Variants in CADM2 observed in about 807,000 individuals in gnomAD.
The protein encoded by CADM2 is immunoglobulin superfamily member 4D.
Under a neutral mutation model 49.8 loss-of-function variants are expected in CADM2, and 12 were observed. The ratio of observed to expected loss-of-function variants is 0.24; its 90% confidence interval spans 0.15 to 0.39. The LOEUF is 0.39. Among genes scored for constraint, CADM2 ranks in the 10% least tolerant of loss-of-function variants. The pLI is 1.00. For missense variants in CADM2, 378 were observed against 492.3 expected (o/e 0.77, Z 2.20); for synonymous variants, 214 against 175.4 (o/e 1.22, Z -1.74).
intron 1 of CADM2, among the ~76,000 whole-genome samples, chr3:84,995,917 G>A (rs2033157443): frequency 6.6e-6 from 1 of 152,124 alleles, no homozygotes; most frequent in Non-Finnish European, 1.5e-5. Flanking sequence ...CTTGTACTAA[G>A]TGATGAGTTT....
At chr3:85,539,453 A>G (rs1177318617) in intron 1 of CADM2, among the ~76,000 whole-genome samples, 1 of 152,070 alleles carries the variant, frequency 6.6e-6, no homozygotes, top group Non-Finnish European at 1.5e-5. Context: ...CATAATGCCT[A>G]GTGTACAGAA....
chr3:85,443,448 C>G (rs547632110), intron 1 of CADM2, among the ~76,000 whole-genome samples: 1 of 152,108 alleles, frequency 6.6e-6, no homozygotes. Flanking sequence ...CCGTTAACAG[C>G]CAAACTACTC....
chr3:86,000,329 G>C (rs917979905), intron 8 of CADM2, among the ~76,000 whole-genome samples: 1 of 152,172 alleles, frequency 6.6e-6, no homozygotes, highest in South Asian at 2.1e-4. Context: ...TGAAAAAGAG[G>C]GCTTAGTAGG....
At chr3:85,026,409 C>T (rs2034730104) in intron 1 of CADM2, among the ~76,000 whole-genome samples, 2 of 151,970 alleles carry the variant, frequency 1.3e-5, no homozygotes, top group South Asian at 4.1e-4. Flanking sequence ...CAATAACTTC[C>T]TAGTTTTTAT....
chr3:85,048,599 G>C (rs969288254), intron 1 of CADM2, among the ~76,000 whole-genome samples: 1 of 152,104 alleles, frequency 6.6e-6, no homozygotes, highest in Non-Finnish European at 1.5e-5. Flanking sequence ...CAATTTCAAC[G>C]AGGAGTGAGA....
At chr3:85,503,431 T>C (rs990477369) in intron 1 of CADM2, among the ~76,000 whole-genome samples, 2 of 152,204 alleles carry the variant, frequency 1.3e-5, no homozygotes, top group Non-Finnish European at 2.9e-5. Context: ...AGGATTTTGG[T>C]CATTACTTAG....
At chr3:85,735,604 G>A (rs927253028) in intron 2 of CADM2, among the ~76,000 whole-genome samples, 1 of 152,076 alleles carries the variant, frequency 6.6e-6, no homozygotes, top group Admixed American at 6.6e-5. Context: ...GAGTTGTTTG[G>A]ATGCTTTTCC....
intron 5 of CADM2, among the ~76,000 whole-genome samples, chr3:85,908,767 C>T (rs1405667006): frequency 2.6e-5 from 4 of 151,090 alleles, no homozygotes; most frequent in Non-Finnish European, 5.9e-5. Flanking sequence ...CTCTGTCACC[C>T]AGGCTGGAGT....
chr3:85,343,645 G>A (rs72903274), intron 1 of CADM2, among the ~76,000 whole-genome samples: 10,737 of 152,154 alleles, frequency 0.071, 722 homozygotes, highest in African/African-American at 0.17. Flanking sequence ...AAAAGAAAAC[G>A]AGGTTTGAAT....
intron 1 of CADM2, among the ~76,000 whole-genome samples, chr3:85,299,270 A>G (rs1021177329): frequency 6.6e-6 from 1 of 152,122 alleles, no homozygotes; most frequent in Non-Finnish European, 1.5e-5. Context: ...TCATAAGATT[A>G]AAAGCACCTA....
intron 3 of CADM2, among the ~76,000 whole-genome samples, chr3:85,817,714 C>A (rs892236461): frequency 6.6e-6 from 1 of 152,130 alleles, no homozygotes; most frequent in Non-Finnish European, 1.5e-5. Context: ...ATAAACCAAT[C>A]TCAGTTCCAG....
At chr3:85,123,096 GC>G (rs2038919581) in intron 1 of CADM2, among the ~76,000 whole-genome samples, 2 of 152,024 alleles carry the variant, frequency 1.3e-5, no homozygotes, top group African/African-American at 4.8e-5. Context: ...AGATTCCCAT[GC>G]TTTTTTCCTA....
intron 8 of CADM2, among the ~76,000 whole-genome samples, chr3:86,008,382 T>C (rs2106882038): frequency 6.6e-6 from 1 of 152,172 alleles, no homozygotes; most frequent in African/African-American, 2.4e-5. Context: ...AACCATCTGA[T>C]TGAAAAGTGT....
intron 3 of CADM2, among the ~76,000 whole-genome samples, chr3:85,863,765 C>T (rs2075623942): frequency 6.6e-6 from 1 of 152,148 alleles, no homozygotes; most frequent in Non-Finnish European, 1.5e-5. Flanking sequence ...CCAAAAACCC[C>T]TAAACAGCAC....
At chr3:86,045,664 G>A (rs1435161899) in intron 8 of CADM2, among the ~76,000 whole-genome samples, 1 of 152,046 alleles carries the variant, frequency 6.6e-6, no homozygotes, top group African/African-American at 2.4e-5. Context: ...ATGTCTAAGT[G>A]AAATTCTTTT....
intron 1 of CADM2, among the ~76,000 whole-genome samples, chr3:85,695,603 C>G (rs2066526551): frequency 6.6e-6 from 1 of 151,984 alleles, no homozygotes; most frequent in Non-Finnish European, 1.5e-5. Context: ...CACACACACA[C>G]ACACGCACAC....
chr3:85,937,771 T>C (rs1721355850), intron 7 of CADM2, among the ~76,000 whole-genome samples: 1 of 151,958 alleles, frequency 6.6e-6, no homozygotes, highest in Non-Finnish European at 1.5e-5. Flanking sequence ...TTGTCAAATT[T>C]CTACCAAACT....
At chr3:85,699,370 C>T (rs1559600064) in intron 1 of CADM2, among the ~76,000 whole-genome samples, 1 of 152,178 alleles carries the variant, frequency 6.6e-6, no homozygotes, top group Admixed American at 6.5e-5. Flanking sequence ...GGCTCCAACC[C>T]CACATTTCCT....
intron 1 of CADM2, among the ~76,000 whole-genome samples, chr3:85,594,373 A>T (rs2107357635): frequency 6.6e-6 from 1 of 152,034 alleles, no homozygotes; most frequent in African/African-American, 2.4e-5. Context: ...TATTTAAACA[A>T]AATATTGAAA....
Sources: allele counts gnomAD v4.1 joint callset (sites outside exome capture counted in the v4.1 genomes callset), GRCh38; gene constraint gnomAD v4.1.1; transcripts MANE v1.5; gene names NCBI Gene and HGNC (gene_info 2026-07-23, HGNC 2026-07-21).